The following BMF variants were observed in gnomAD, a reference collection of about 807,000 sequenced individuals.
The protein encoded by BMF is Bcl2 modifying factor.
BMF carries 10 observed loss-of-function variants against 22.0 expected under a neutral mutation model. That is an observed-to-expected ratio of 0.45 (90% CI 0.28 to 0.77). The LOEUF (loss-of-function observed/expected upper bound fraction) is 0.77. BMF is among the 30% of genes least tolerant of loss of function. The probability of loss-of-function intolerance (pLI) is 0.13; values close to 1 mark genes in which losing one functional copy is unlikely to be tolerated. For missense variants in BMF, 206 were observed against 226.8 expected (o/e 0.91, Z 0.59); for synonymous variants, 87 against 88.1 (o/e 0.99, Z 0.07).
At chr15:40,097,197 AACT>A (rs2036381311) in intron 4 of BMF, among the ~76,000 whole-genome samples, 1 of 150,686 alleles carries the variant, frequency 6.6e-6, no homozygotes, top group African/African-American at 2.4e-5. Flanking sequence ...CCAAGCACCC[AACT>A]GAGCTACCAA....
rs1249265423 is a variant in BMF, at chr15:40,089,658, G to A, written c.*2129C>T. 3 of 152,378 alleles carry A rather than the reference G, an allele frequency of 2.0e-5. No homozygotes were observed. The East Asian group carries it at 5.8e-4, about 29-fold the overall frequency. The allele number at this position is 152,378 out of a possible 1,614,324, so 9.4% of individuals were successfully genotyped here. On this transcript the variant is annotated 3_prime_UTR_variant, in exon 5 of 5. Coordinates refer to ENST00000354670, the MANE Select transcript of BMF (RefSeq NM_001003940.2). The stretch of plus-strand genomic sequence containing the variant: ...ATCATTTTCTCTCTCACTGAACTCA[G>A]GTGGAGAGTCTGCCAAAAGGGGTGA...
At position 40,091,585 on chromosome 15, in the gene BMF, C is replaced by T; in HGVS notation, c.*202G>A. The T allele has an allele frequency of 1.9e-6, 1 of 536,950 alleles. No homozygotes were observed. The highest frequency in any genetic ancestry group is 3.3e-6 in the Non-Finnish European group (1 of 300,028). 33.3% of individuals were successfully genotyped at this position (536,950 alleles called of 1,614,324 possible). On this transcript the variant is annotated 3_prime_UTR_variant, in exon 5 of 5. Coordinates refer to ENST00000354670, the MANE Select transcript of BMF (RefSeq NM_001003940.2). ...CTTCAACAGTGTTTGACAAAGGCCCCCATTCCAGGTCAAGGGCCTGACAGA... is the reference window on the plus strand; with the variant it reads ...CTTCAACAGTGTTTGACAAAGGCCCTCATTCCAGGTCAAGGGCCTGACAGA...
chr15:40,108,457 G>A (rs1263478506), intron 1 of BMF, 71 bp from the exon 2 acceptor site: 1 of 152,780 alleles, frequency 6.5e-6, no homozygotes, highest in African/African-American at 2.4e-5. Context: ...CTATCCCAAA[G>A]TCAGACCCAG....
chr15:40,096,926 T>C (rs1417813219), intron 4 of BMF, among the ~76,000 whole-genome samples: 1 of 152,144 alleles, frequency 6.6e-6, no homozygotes, highest in Non-Finnish European at 1.5e-5. Context: ...CCACACTCAA[T>C]CTCTTCAAAA....
chr15:40,094,284 G>A (rs958635120), intron 4 of BMF, among the ~76,000 whole-genome samples: 2 of 152,210 alleles, frequency 1.3e-5, no homozygotes, highest in African/African-American at 4.8e-5. Flanking sequence ...AGCGTTGGGG[G>A]ACTCAGAAGC....
intron 3 of BMF, among the ~76,000 whole-genome samples, chr15:40,105,490 C>A (rs2036567869): frequency 6.6e-6 from 1 of 152,200 alleles, no homozygotes; most frequent in Non-Finnish European, 1.5e-5. Flanking sequence ...CAACAGGAGC[C>A]ACTTTATAGT....
rs531022567 is a variant in BMF, at chr15:40,092,443, A to G, written c.454-555T>C. ...GATTTCATCCAGTGCAAACACGCAC[A>G]CACACAGACTCACACACACACACAC... On this transcript the variant is annotated intron_variant, in intron 4 of 4. Transcript: ENST00000354670. 3.4e-5 allele frequency among the ~76,000 whole-genome samples: 5 copies of G among 146,468 alleles called. No individual in the cohort carries two copies. In the East Asian group the frequency reaches 1.1e-3, roughly 32 times the overall value.
intron 4 of BMF, among the ~76,000 whole-genome samples, chr15:40,092,195 T>C (rs1374587280): frequency 6.6e-6 from 1 of 152,152 alleles, no homozygotes; most frequent in Non-Finnish European, 1.5e-5. Context: ...TTTAGCCAAG[T>C]GCTGCTTTTA....
chr15:40,098,664 C>T (rs1421595745), intron 4 of BMF, among the ~76,000 whole-genome samples: 1 of 152,126 alleles, frequency 6.6e-6, no homozygotes, highest in Non-Finnish European at 1.5e-5. Context: ...GGAACATGAC[C>T]TCTTGGCTGC....
intron 4 of BMF, among the ~76,000 whole-genome samples, chr15:40,097,574 G>A (rs1470854211): frequency 1.3e-5 from 2 of 152,150 alleles, no homozygotes; most frequent in Non-Finnish European, 1.5e-5. Context: ...TCTGTATGAC[G>A]CCTAGCTCAG....
rs2036187539 is a variant in BMF at position 40,089,173 on chromosome 15, C to A, written c.*2614G>T. 1 of 151,854 alleles carries A rather than the reference C, an allele frequency of 6.6e-6. No homozygotes were observed. Among genetic ancestry groups the A allele is most frequent in the Non-Finnish European group, 1.5e-5 (1 of 67,926 alleles). The allele number at this position is 151,854 out of a possible 1,614,324, so 9.4% of individuals were successfully genotyped here. On this transcript the variant is annotated 3_prime_UTR_variant, in exon 5 of 5. Transcript: ENST00000354670. ...CCACCCCTCGCTAGAGACAGCCAGG[C>A]TCCTGGGGGTGGGGGATGGAGTCTG...
At chr15:40,108,221 C>CACACGA (rs1555428608) in intron 2 of BMF, 38 bp downstream of exon 2, 5 of 140,344 alleles carry the variant, frequency 3.6e-5, no homozygotes. Flanking sequence ...TGACTAGGAA[C>CACACGA]ACACACACAC....
At chr15:40,093,563 G>A (rs918595357) in intron 4 of BMF, among the ~76,000 whole-genome samples, 3 of 152,184 alleles carry the variant, frequency 2.0e-5, no homozygotes, top group Non-Finnish European at 4.4e-5. Context: ...TGCAGCAGCT[G>A]GGCCAAAGAC....
At chr15:40,098,820 C>T (rs2036416634) in intron 4 of BMF, among the ~76,000 whole-genome samples, 1 of 152,114 alleles carries the variant, frequency 6.6e-6, no homozygotes. Context: ...AGGGAATGAA[C>T]TCTCCGGAAC....
chr15:40,097,483 C>A (rs1329596327), intron 4 of BMF, among the ~76,000 whole-genome samples: 2 of 152,206 alleles, frequency 1.3e-5, no homozygotes, highest in Admixed American at 6.5e-5. Flanking sequence ...ATGTGTGCTT[C>A]CTTGTACCCT....
In BMF at chr15:40,104,201, G is replaced by A. The variant is rs751650029; in HGVS notation, c.432C>T (p.Phe144=). Residue 144 remains phenylalanine (F), a synonymous_variant, in exon 4 of 5, where the codon TTC becomes TTT. Coordinates refer to ENST00000354670, the MANE Select transcript of BMF (RefSeq NM_001003940.2). Reference sequence around the variant, plus strand: ...CTACTTGCTGCACATGAAGCCGGTGGAACTGGTCTGCAATGCACTGAAGCT... The same window carrying A: ...CTACTTGCTGCACATGAAGCCGGTGAAACTGGTCTGCAATGCACTGAAGCT... ...ARKLQCIADQ[F]HRLHVQQHQQ... is the part of the protein sequence containing the mutation. 7 of 1,614,212 alleles carry A rather than the reference G, an allele frequency of 4.3e-6. No homozygotes were observed. The South Asian group carries it at 6.6e-5, about 15-fold the overall frequency.
intron 4 of BMF, among the ~76,000 whole-genome samples, chr15:40,100,203 G>T (rs946493669): frequency 6.6e-6 from 1 of 152,218 alleles, no homozygotes; most frequent in Non-Finnish European, 1.5e-5. Flanking sequence ...CAAGGGGAGG[G>T]GATACCACTT....
Position 40,098,588 on chromosome 15 carries a change from A to T in BMF, c.453+5592T>A, listed in dbSNP as rs191166631. 5.6e-4 allele frequency among the ~76,000 whole-genome samples: 86 copies of T among 152,328 alleles called. No homozygotes were observed. The East Asian group carries it at 0.015, about 26-fold the overall frequency. ...TCCTGTCCAGGACCAGGTCAAGGCA[A>T]ACCAGGCAAGGAGGAAGGATGGAAC... On this transcript the variant is annotated intron_variant, in intron 4 of 4. Coordinates refer to ENST00000354670, the MANE Select transcript of BMF (RefSeq NM_001003940.2).
At chr15:40,104,863 G>A (rs952638382) in intron 3 of BMF, among the ~76,000 whole-genome samples, 1 of 152,172 alleles carries the variant, frequency 6.6e-6, no homozygotes, top group East Asian at 1.9e-4. Context: ...AGAGAAAACT[G>A]AGACGCACAG....
Sources: allele counts gnomAD v4.1 joint callset (sites outside exome capture counted in the v4.1 genomes callset), GRCh38; gene constraint gnomAD v4.1.1; transcripts MANE v1.5; gene names NCBI Gene and HGNC (gene_info 2026-07-23, HGNC 2026-07-21).